Variants in PUS3 observed in about 807,000 individuals in gnomAD.
PUS3 encodes the protein pseudouridine synthase 3.
In PUS3, 36 loss-of-function variants were observed where a neutral mutation model predicts 43.3. That is an observed-to-expected ratio of 0.83 (90% CI 0.64 to 1.10). PUS3 has a LOEUF of 1.10. PUS3 is among the 50% of genes least tolerant of loss of function. The probability of loss-of-function intolerance (pLI) is 0.00; values close to 1 mark genes in which losing one functional copy is unlikely to be tolerated. For missense variants in PUS3, 544 were observed against 589.9 expected (o/e 0.92, Z 0.81); for synonymous variants, 183 against 199.2 (o/e 0.92, Z 0.69).
At position 125,893,910 on chromosome 11, in the gene PUS3, A is replaced by G; in HGVS notation, c.1321T>C (p.Leu441=). 5 of 1,614,150 alleles carry G rather than the reference A, an allele frequency of 3.1e-6. No homozygotes were observed. Among genetic ancestry groups the G allele is most frequent in the Non-Finnish European group, 4.2e-6 (5 of 1,180,022 alleles). Reference sequence around the variant, plus strand: ...GCTTTTGTTTCTTCCTCATGGAATAAATGTGGGTGCTCAATTCGTCCCCTA... The same window carrying G: ...GCTTTTGTTTCTTCCTCATGGAATAGATGTGGGTGCTCAATTCGTCCCCTA... ...VRRGRIEHPH[L]FHEEETKAKR... The change falls in exon 4 of 4, where the codon TTA becomes CTA. Residue 441 remains leucine, a synonymous_variant. Coordinates refer to ENST00000227474, the MANE Select transcript of PUS3 (RefSeq NM_031307.4).
chr11:125,897,637 T>C (rs1254115811), intron 1 of PUS3, among the ~76,000 whole-genome samples: 1 of 152,154 alleles, frequency 6.6e-6, no homozygotes, highest in African/African-American at 2.4e-5. Context: ...TGCTCAATTT[T>C]ACTCAGCTGA....
intron 1 of PUS3, among the ~76,000 whole-genome samples, chr11:125,898,579 A>G (rs757785539): frequency 2.8e-4 from 42 of 152,108 alleles, no homozygotes; most frequent in Non-Finnish European, 2.9e-4. Context: ...CCGGAGTCTT[A>G]GACAGGATAA....
chr11:125,901,925 A>T (rs1190672250), intron 1 of PUS3, among the ~76,000 whole-genome samples: 2 of 152,224 alleles, frequency 1.3e-5, no homozygotes, highest in Non-Finnish European at 2.9e-5. Context: ...GATTAAAGGT[A>T]ATTTGTATTT....
At chr11:125,902,375 G>GC (rs1486058252) in intron 1 of PUS3, among the ~76,000 whole-genome samples, 1 of 151,528 alleles carries the variant, frequency 6.6e-6, no homozygotes, top group African/African-American at 2.4e-5. Context: ...CGGGGTGGTG[G>GC]CGGGGGGGAG....
chr11:125,894,122 T>C lies in PUS3; in HGVS notation c.1109A>G (p.Asp370Gly). 1 of 1,614,152 alleles carries C rather than the reference T, an allele frequency of 6.2e-7. No homozygotes were observed. The highest frequency in any genetic ancestry group is 8.5e-7 in the Non-Finnish European group (1 of 1,180,000). The stretch of plus-strand genomic sequence containing the variant: ...TATTCCACAGGGTACTGGAACAGTG[T>C]CCAGTCCTTGTAGCATACTATACAA... Reference protein sequence around the residue: ...HMLYSMLQGLDTVPVPCGIGP... With the variant: ...HMLYSMLQGLGTVPVPCGIGP... The change falls in exon 4 of 4, where the codon GAC (aspartate) becomes GGC (glycine). Residue 370 changes from aspartate (D) to glycine (G), a missense_variant. Coordinates refer to ENST00000227474, the MANE Select transcript of PUS3 (RefSeq NM_031307.4).
In PUS3 at chr11:125,900,030, G is replaced by A. The variant is rs375332939; in HGVS notation, c.-47+3140C>T. ...GTAGCCCGGTATTTTGAGTACAAAC[G>A]GGACTGGGACTCAATACGTTTACCT... On this transcript the variant is annotated intron_variant, in intron 1 of 3. Coordinates refer to ENST00000227474, the MANE Select transcript of PUS3 (RefSeq NM_031307.4). 125 of 1,614,192 alleles carry A rather than the reference G, an allele frequency of 7.7e-5. 3 individuals carry two copies. The South Asian group carries it at 1.0e-3, about 13-fold the overall frequency.
Position 125,895,238 on chromosome 11 carries a change from T to C in PUS3, c.930A>G (p.Gln310=). 1 of 1,588,116 alleles carries C rather than the reference T, an allele frequency of 6.3e-7. No individual in the cohort carries two copies. The highest frequency in any genetic ancestry group is 8.5e-7 in the Non-Finnish European group (1 of 1,170,362). ...DELLNIEKNP[Q]KPQYSMAVEF... ...TTTTAACTCACCTATATTGAGGCTT[T>C]TGGGGATTTTTCTCTATATTCAGCA... The change falls in exon 3 of 4, where the codon CAA becomes CAG. Residue 310 remains glutamine, a synonymous_variant. Coordinates refer to ENST00000227474, the MANE Select transcript of PUS3 (RefSeq NM_031307.4).
intron 1 of PUS3, chr11:125,900,312 C>T (rs1400218346): frequency 1.3e-6 from 2 of 1,552,546 alleles, no homozygotes; most frequent in South Asian, 1.1e-5. Flanking sequence ...GATAACCTAG[C>T]TCTTTATATC....
chr11:125,896,405 T>A, intron 1 of PUS3, 75 bp from the exon 2 acceptor site: 1 of 981,962 alleles, frequency 1.0e-6, no homozygotes, highest in Non-Finnish European at 1.5e-6. Context: ...ATATAAGATT[T>A]AATTTAATGC....
chr11:125,894,006 G>T lies in PUS3; in HGVS notation c.1225C>A (p.Arg409Ser), dbSNP rs755231389. The T allele has an allele frequency of 1.4e-5, 23 of 1,614,008 alleles. No individual in the cohort carries two copies. In the South Asian group the frequency reaches 2.3e-4, roughly 16 times the overall value. ...TSAFVEGVKM[R>S]TYKPLMDRPK... ...CGGTCCATGAGGGGCTTATATGTGC[G>T]CATCTTCACTCCTTCTACAAAGGCA... Residue 409 changes from arginine (R) to serine (S), a missense_variant, in exon 4 of 4, where the codon CGC (arginine) becomes AGC (serine). Coordinates refer to ENST00000227474, the MANE Select transcript of PUS3 (RefSeq NM_031307.4).
chr11:125,900,866 C>G (rs917631491), intron 1 of PUS3: 1 of 152,766 alleles, frequency 6.5e-6, no homozygotes. Context: ...AAAAATTAGC[C>G]GGGCGAGGTG....
chr11:125,897,633 A>G (rs765604209), intron 1 of PUS3, among the ~76,000 whole-genome samples: 14 of 152,178 alleles, frequency 9.2e-5, no homozygotes, highest in South Asian at 2.1e-4. Flanking sequence ...TAAATGCTCA[A>G]TTTTACTCAG....
intron 3 of PUS3, 141 bp downstream of exon 3, chr11:125,895,083 G>A (rs1295202128): frequency 2.0e-6 from 1 of 511,672 alleles, no homozygotes; most frequent in Non-Finnish European, 3.3e-6. Context: ...GTCTCCCTCT[G>A]TCACCCATGC....
intron 1 of PUS3, chr11:125,899,215 T>A (rs1267548910): frequency 1.2e-5 from 8 of 652,614 alleles, no homozygotes; most frequent in South Asian, 9.5e-5. Flanking sequence ...GATACTACCC[T>A]GTATTGAATT....
chr11:125,900,242 C>T (rs1347996883), intron 1 of PUS3: 2 of 1,612,316 alleles, frequency 1.2e-6, no homozygotes, highest in African/African-American at 1.3e-5. Flanking sequence ...ACCCAGGAAG[C>T]TTCCCTTCCC....
At chr11:125,897,974 C>G (rs1284716252) in intron 1 of PUS3, among the ~76,000 whole-genome samples, 1 of 152,172 alleles carries the variant, frequency 6.6e-6, no homozygotes, top group Non-Finnish European at 1.5e-5. Context: ...ATTTATGATA[C>G]ATTCATACAT....
intron 1 of PUS3, chr11:125,899,399 T>C (rs763984480): frequency 3.7e-6 from 6 of 1,614,142 alleles, no homozygotes; most frequent in East Asian, 2.2e-5. Context: ...TGGACAAATA[T>C]GGGCTAATAT....
chr11:125,894,322 TA>T, intron 3 of PUS3, 36 bp from the exon 4 acceptor site: 1 of 1,528,538 alleles, frequency 6.5e-7, no homozygotes. Flanking sequence ...TGAGAATACA[TA>T]ACATCCATCT....
rs74423263 is a variant in PUS3, at chr11:125,899,660, G to T, written c.-46-3330C>A. 9.2e-5 allele frequency: 149 copies of T among 1,614,092 alleles called. No homozygotes were observed. Among genetic ancestry groups the T allele is most frequent in the Non-Finnish European group, 1.2e-4 (144 of 1,180,042 alleles). On this transcript the variant is annotated intron_variant, in intron 1 of 3. Transcript: ENST00000227474. ...CCGAAAGCCAGTGATGAAGAGAAAG[G>T]TGCTGCGCAGAAAGCCAGATGGGGA... is the stretch of plus-strand genomic sequence containing the variant.
Sources: allele counts gnomAD v4.1 joint callset (sites outside exome capture counted in the v4.1 genomes callset), GRCh38; gene constraint gnomAD v4.1.1; transcripts MANE v1.5; gene names NCBI Gene and HGNC (gene_info 2026-07-23, HGNC 2026-07-21).